MAGI2: variants seen among roughly 807,000 people sequenced by gnomAD.
The protein encoded by MAGI2 is membrane-associated guanylate kinase, WW and PDZ domain-containing protein 2.
MAGI2 carries 35 observed loss-of-function variants against 133.3 expected under a neutral mutation model. The observed-to-expected ratio is 0.26, with a 90% CI of 0.20 to 0.35. The LOEUF is 0.35. Ranked by LOEUF, MAGI2 falls within the 10% of genes least tolerant of loss-of-function variation. The pLI is 1.00. For synonymous variants in MAGI2, 729 were observed against 710.6 expected (o/e 1.03, Z -0.41); for missense variants, 1,636 against 1,863.4 (o/e 0.88, Z 2.25).
At chr7:78,477,517 G>T (rs957639553) in intron 6 of MAGI2, among the ~76,000 whole-genome samples, 9 of 151,996 alleles carry the variant, frequency 5.9e-5, no homozygotes, top group African/African-American at 1.9e-4. Context: ...ACATGGCTGG[G>T]GAGGCCTCAC....
intron 1 of MAGI2, among the ~76,000 whole-genome samples, chr7:79,128,928 T>C (rs956239760): frequency 1.3e-5 from 2 of 152,200 alleles, no homozygotes; most frequent in African/African-American, 4.8e-5. Flanking sequence ...TGGAGTGCAG[T>C]GGCATGATCT....
At chr7:78,919,642 T>G (rs971589790) in intron 2 of MAGI2, among the ~76,000 whole-genome samples, 1 of 152,072 alleles carries the variant, frequency 6.6e-6, no homozygotes, top group African/African-American at 2.4e-5. Flanking sequence ...GTAGAACATT[T>G]TAATATACGT....
chr7:79,143,296 T>C (rs1180451556), intron 1 of MAGI2, among the ~76,000 whole-genome samples: 2 of 152,224 alleles, frequency 1.3e-5, no homozygotes, highest in East Asian at 3.8e-4. Flanking sequence ...TATTTGTGCT[T>C]CATATCAGGC....
intron 2 of MAGI2, among the ~76,000 whole-genome samples, chr7:78,906,687 G>A (rs1169699023): frequency 6.6e-6 from 1 of 152,124 alleles, no homozygotes; most frequent in East Asian, 1.9e-4. Flanking sequence ...AGGCTGAGTT[G>A]TAGCCAAGCA....
intron 1 of MAGI2, among the ~76,000 whole-genome samples, chr7:79,391,508 C>CATATATATATATATATAT (rs1286692402): frequency 1.4e-5 from 1 of 69,208 alleles, no homozygotes; most frequent in Non-Finnish European, 2.4e-5. Flanking sequence ...TATATATAGA[C>CATATATATATATATATAT]ATATATATAT....
intron 21 of MAGI2, among the ~76,000 whole-genome samples, chr7:78,063,818 C>T (rs1375870724): frequency 6.6e-6 from 1 of 151,988 alleles, no homozygotes; most frequent in African/African-American, 2.4e-5. Flanking sequence ...TTGATCTTGC[C>T]CCATTATGTA....
At position 78,961,320 on chromosome 7, in the gene MAGI2, C is replaced by G. The variant is rs115528657; in HGVS notation, c.418+45770G>C. ...CCCTGTGCAGCCCCTCGAGGCTCCC[C>G]TGTTACTGATCTGAGCCTCACAGTC... On this transcript the variant is annotated intron_variant, in intron 2 of 21. Coordinates refer to ENST00000354212, the MANE Select transcript of MAGI2 (RefSeq NM_012301.4). Among the ~76,000 whole-genome samples the G allele has an allele frequency of 7.2e-4, 109 of 152,196 alleles. 1 individual carries two copies. The highest frequency in any genetic ancestry group is 2.5e-3 in the African/African-American group (102 of 41,562).
chr7:78,965,300 C>T (rs111481117), intron 2 of MAGI2, among the ~76,000 whole-genome samples: 9 of 150,978 alleles, frequency 6.0e-5, no homozygotes, highest in East Asian at 1.9e-4. Flanking sequence ...CAAAGACAAA[C>T]GATTAACTTG....
chr7:78,027,841 C>T lies in MAGI2; in HGVS notation c.3707-7865G>A, dbSNP rs576460875. The stretch of plus-strand genomic sequence containing the variant: ...ATAAATACTTTTACTGCTCAAATGA[C>T]TAGAATTATTCTGTAAAAATATCCA... On this transcript the variant is annotated intron_variant, in intron 21 of 21. Coordinates refer to ENST00000354212, the MANE Select transcript of MAGI2 (RefSeq NM_012301.4). 4.2e-4 allele frequency among the ~76,000 whole-genome samples: 64 copies of T among 152,262 alleles called. 1 individual carries two copies. The highest frequency in any genetic ancestry group is 1.4e-3 in the African/African-American group (60 of 41,560).
At chr7:78,024,404 G>A (rs768318240) in intron 21 of MAGI2, among the ~76,000 whole-genome samples, 48 of 152,154 alleles carry the variant, frequency 3.2e-4, no homozygotes, top group African/African-American at 8.4e-4. Context: ...ACAGTTCATC[G>A]GCTTCTTTAA....
chr7:79,251,280 A>G (rs1279213736), intron 1 of MAGI2, among the ~76,000 whole-genome samples: 1 of 152,192 alleles, frequency 6.6e-6, no homozygotes, highest in Non-Finnish European at 1.5e-5. Flanking sequence ...CAAGGAAACA[A>G]TCAACAAAGT....
At chr7:78,957,595 C>G (rs1802495081) in intron 2 of MAGI2, among the ~76,000 whole-genome samples, 1 of 151,914 alleles carries the variant, frequency 6.6e-6, no homozygotes, top group East Asian at 1.9e-4. Flanking sequence ...AGACCAAAAC[C>G]TGTTTGAAAT....
At chr7:78,741,584 T>C (rs1209808488) in intron 2 of MAGI2, among the ~76,000 whole-genome samples, 2 of 152,056 alleles carry the variant, frequency 1.3e-5, no homozygotes, top group African/African-American at 2.4e-5. Flanking sequence ...TGAGTACTCA[T>C]TTCACTGTTA....
chr7:78,198,524 C>T (rs1173163252), intron 11 of MAGI2, among the ~76,000 whole-genome samples: 13 of 151,896 alleles, frequency 8.6e-5, no homozygotes, highest in South Asian at 4.2e-4. Flanking sequence ...CTCCGCCTCC[C>T]GGGCTCAAGT....
chr7:79,441,937 A>G (rs1848522470), intron 1 of MAGI2, among the ~76,000 whole-genome samples: 1 of 152,180 alleles, frequency 6.6e-6, no homozygotes, highest in Non-Finnish European at 1.5e-5. Flanking sequence ...AATGTAAACC[A>G]TTCTGCAAAT....
intron 1 of MAGI2, among the ~76,000 whole-genome samples, chr7:79,171,770 A>ATATATTTTTTTTTT: frequency 4.5e-4 from 14 of 31,210 alleles, no homozygotes; most frequent in South Asian, 8.1e-4. Flanking sequence ...ATATATATAT[A>ATATATTTTTTTTTT]TTTTTTTTTT....
At chr7:78,893,166 A>C (rs202116580) in intron 2 of MAGI2, among the ~76,000 whole-genome samples, 72,072 of 146,788 alleles carry the variant, frequency 0.49, 18,059 homozygotes, top group South Asian at 0.65. Context: ...AATGCAAATC[A>C]AAACCACAAG....
At chr7:78,956,227 TTATTAAA>T (rs1367290429) in intron 2 of MAGI2, among the ~76,000 whole-genome samples, 2 of 152,162 alleles carry the variant, frequency 1.3e-5, no homozygotes, top group African/African-American at 4.8e-5. Context: ...ACAGTGTAAT[TTATTAAA>T]ATGATGTATT....
intron 2 of MAGI2, among the ~76,000 whole-genome samples, chr7:78,700,193 T>A (rs887860393): frequency 1.3e-5 from 2 of 152,188 alleles, no homozygotes; most frequent in East Asian, 3.9e-4. Flanking sequence ...TACATTTGAC[T>A]ATGCTCTGTT....
Sources: gnomAD v4.1 joint callset for allele counts (sites outside exome capture counted in the v4.1 genomes callset) on GRCh38, gnomAD v4.1.1 for gene constraint, MANE v1.5 for transcripts, NCBI Gene and HGNC (gene_info 2026-07-23, HGNC 2026-07-21) for gene names.